Variants in IL34 observed in about 807,000 individuals in gnomAD.
IL34 encodes interleukin-34.
In IL34, 17 loss-of-function variants were observed where a neutral mutation model predicts 25.3. The observed-to-expected ratio is 0.67, with a 90% CI of 0.46 to 1.01. The LOEUF (loss-of-function observed/expected upper bound fraction) is 1.01. Ranked by LOEUF, IL34 falls within the 50% of genes least tolerant of loss-of-function variation. IL34 has a pLI of 0.00. For missense variants in IL34, 368 were observed against 312.9 expected (o/e 1.18, Z -1.33); for synonymous variants, 174 against 140.9 (o/e 1.23, Z -1.66).
intron 1 of IL34, among the ~76,000 whole-genome samples, chr16:70,613,135 G>A (rs1476612119): frequency 2.0e-5 from 3 of 152,208 alleles, no homozygotes; most frequent in Non-Finnish European, 4.4e-5. Context: ...AGGGCCGGTC[G>A]AAGGGGTGTC....
chr16:70,580,527 C>T (rs1217756084), intron 1 of IL34, among the ~76,000 whole-genome samples: 1 of 152,246 alleles, frequency 6.6e-6, no homozygotes, highest in Non-Finnish European at 1.5e-5. Flanking sequence ...CGCCTGTAAT[C>T]TGTAATCCCA....
chr16:70,581,198 C>T (rs2050632603), intron 1 of IL34, among the ~76,000 whole-genome samples: 1 of 152,200 alleles, frequency 6.6e-6, no homozygotes, highest in Non-Finnish European at 1.5e-5. Flanking sequence ...AGGCGTGAGC[C>T]ACCACGCCCG....
At chr16:70,625,713 C>A (rs535139544) in intron 1 of IL34, among the ~76,000 whole-genome samples, 1 of 151,816 alleles carries the variant, frequency 6.6e-6, no homozygotes, top group South Asian at 2.1e-4. Flanking sequence ...TTGGGTCCAC[C>A]GATAAAACGT....
intron 1 of IL34, among the ~76,000 whole-genome samples, chr16:70,596,406 C>T (rs8049475): frequency 0.1 from 15,309 of 152,180 alleles, 1,875 homozygotes; most frequent in African/African-American, 0.27. Flanking sequence ...ACAAAGAGGA[C>T]CGTGGTCATG....
intron 1 of IL34, among the ~76,000 whole-genome samples, chr16:70,593,508 T>A (rs896842492): frequency 6.6e-6 from 1 of 152,002 alleles, no homozygotes; most frequent in Non-Finnish European, 1.5e-5. Flanking sequence ...TCTTAGTACC[T>A]AGTTTGTTGT....
chr16:70,582,055 T>C (rs2050641549), intron 1 of IL34, among the ~76,000 whole-genome samples: 1 of 152,248 alleles, frequency 6.6e-6, no homozygotes, highest in South Asian at 2.1e-4. Flanking sequence ...TCCCCAAGCC[T>C]GGGGCTTTAA....
intron 1 of IL34, among the ~76,000 whole-genome samples, chr16:70,618,043 A>AG (rs1375844861): frequency 6.6e-6 from 1 of 152,064 alleles, no homozygotes; most frequent in Middle Eastern, 3.4e-3. Context: ...TAGAGAAGGG[A>AG]GGGGGCCTGA....
chr16:70,635,692 A>G (rs1038076139), intron 1 of IL34, among the ~76,000 whole-genome samples: 2 of 152,212 alleles, frequency 1.3e-5, no homozygotes, highest in Non-Finnish European at 2.9e-5. Context: ...ACAGACCTCT[A>G]TTGATAGTGC....
Position 70,656,237 on chromosome 16 carries a change from C to T in IL34, c.163-365C>T, listed in dbSNP as rs543801084. Among the ~76,000 whole-genome samples, 27 of 152,318 alleles carry T rather than the reference C, an allele frequency of 1.8e-4. No homozygotes were observed. The South Asian group carries it at 5.6e-3, about 32-fold the overall frequency. ...CTGGGCCCTGAGTTCTCTCCTCCTA[C>T]ATCAAAATTCATCTGGAGGCCGGGC... On this transcript the variant is annotated intron_variant, in intron 2 of 5. Transcript: ENST00000288098.
Position 70,660,283 on chromosome 16 carries a change from C to T in IL34, c.*96C>T. 3 of 1,200,330 alleles carry T rather than the reference C, an allele frequency of 2.5e-6. No individual in the cohort carries two copies. Among genetic ancestry groups the T allele is most frequent in the Non-Finnish European group, 3.4e-6 (3 of 880,386 alleles). 74.4% of individuals were successfully genotyped at this position (1,200,330 alleles called of 1,614,324 possible). A position where few individuals can be genotyped will look rare whatever the true frequency, so the allele number is the denominator to read the frequency against. On this transcript the variant is annotated 3_prime_UTR_variant, in exon 6 of 6. Transcript: ENST00000288098. ...CTTCAAGGGGTGGTGGTGGGAGCCC[C>T]CCTTGGGAGAGGACCCCTGGGAAGG...
At chr16:70,603,949 T>TG (rs1489349850) in intron 1 of IL34, among the ~76,000 whole-genome samples, 4 of 152,206 alleles carry the variant, frequency 2.6e-5, no homozygotes, top group African/African-American at 9.7e-5. Flanking sequence ...GGTTGATACA[T>TG]GTTAGCAGAG....
chr16:70,619,825 G>A (rs1390444843), intron 1 of IL34, among the ~76,000 whole-genome samples: 1 of 152,188 alleles, frequency 6.6e-6, no homozygotes. Flanking sequence ...GAGTTGAACA[G>A]TCCGATTTTC....
chr16:70,606,737 G>A (rs1025474558), intron 1 of IL34, among the ~76,000 whole-genome samples: 9 of 151,928 alleles, frequency 5.9e-5, no homozygotes, highest in African/African-American at 2.2e-4. Context: ...ACAAGTATGT[G>A]CCACCATGCC....
chr16:70,618,359 C>T (rs964533520), intron 1 of IL34, among the ~76,000 whole-genome samples: 9 of 151,938 alleles, frequency 5.9e-5, no homozygotes, highest in African/African-American at 1.9e-4. Context: ...TGTGGGAGGC[C>T]GGATTGAAGT....
At chr16:70,635,900 T>C (rs1366530810) in intron 1 of IL34, among the ~76,000 whole-genome samples, 2 of 152,138 alleles carry the variant, frequency 1.3e-5, no homozygotes, top group African/African-American at 4.8e-5. Flanking sequence ...CATAGCCCTT[T>C]GAGGTCAGAA....
intron 1 of IL34, among the ~76,000 whole-genome samples, chr16:70,586,194 T>C (rs1030374536): frequency 6.6e-6 from 1 of 152,196 alleles, no homozygotes; most frequent in Non-Finnish European, 1.5e-5. Flanking sequence ...CATATTTTGT[T>C]TATCTATTTA....
Position 70,646,579 on chromosome 16 carries a change from G to A in IL34, c.-369G>A, listed in dbSNP as rs1385542408. 3 of 296,334 alleles carry A rather than the reference G, an allele frequency of 1.0e-5. No individual in the cohort carries two copies. The highest frequency in any genetic ancestry group is 9.3e-5 in the South Asian group (1 of 10,796). 18.4% of individuals were successfully genotyped at this position (296,334 alleles called of 1,614,324 possible). A position where few individuals can be genotyped will look rare whatever the true frequency, so the allele number is the denominator to read the frequency against. ...ATTTCACACTGAGCAGCTGCAGTCG[G>A]AGAAATCAGAGAAAGCGTCACCCAG... On this transcript the variant is annotated 5_prime_UTR_variant, in exon 1 of 6. Transcript: ENST00000288098.
chr16:70,591,293 C>T (rs1228628446), intron 1 of IL34, among the ~76,000 whole-genome samples: 1 of 152,166 alleles, frequency 6.6e-6, no homozygotes, highest in African/African-American at 2.4e-5. Flanking sequence ...GCCATAAATA[C>T]CATTCCTGAT....
intron 1 of IL34, among the ~76,000 whole-genome samples, chr16:70,588,236 A>C (rs1316518379): frequency 1.3e-5 from 2 of 152,138 alleles, no homozygotes; most frequent in Non-Finnish European, 2.9e-5. Context: ...GTGTAATCCC[A>C]GCACTTTGGG....
Sources: allele counts gnomAD v4.1 joint callset (sites outside exome capture counted in the v4.1 genomes callset), GRCh38; gene constraint gnomAD v4.1.1; transcripts MANE v1.5; gene names NCBI Gene and HGNC (gene_info 2026-07-23, HGNC 2026-07-21).